Variants in TRPV2 observed in about 807,000 individuals in gnomAD.
The protein encoded by TRPV2 is OTRPC2.
TRPV2 carries 58 observed loss-of-function variants against 91.0 expected under a neutral mutation model. The observed-to-expected ratio is 0.64, with a 90% CI of 0.52 to 0.79. The LOEUF (loss-of-function observed/expected upper bound fraction) is 0.79, where lower values mean the gene tolerates loss of function less well. Ranked by LOEUF, TRPV2 falls within the 30% of genes least tolerant of loss-of-function variation. The pLI, the probability that TRPV2 is intolerant of heterozygous loss-of-function variation, is 0.00. For synonymous variants in TRPV2, 417 were observed against 414.8 expected (o/e 1.01, Z -0.06); for missense variants, 807 against 969.6 (o/e 0.83, Z 2.23).
chr17:16,418,445 T>C (rs895800544), intron 2 of TRPV2, among the ~76,000 whole-genome samples: 8 of 152,094 alleles, frequency 5.3e-5, no homozygotes, highest in African/African-American at 1.7e-4. Context: ...TGGCACCCCC[T>C]ACTTCCCTGC....
intron 12 of TRPV2, chr17:16,433,119 T>C (rs1194932819): frequency 6.4e-6 from 1 of 157,036 alleles, no homozygotes; most frequent in Non-Finnish European, 1.4e-5. Context: ...TGCCAATTCA[T>C]TGTTGATCTT....
At chr17:16,420,333 A>T in intron 3 of TRPV2, 85 bp downstream of exon 3, 1 of 1,499,042 alleles carries the variant, frequency 6.7e-7, no homozygotes. Flanking sequence ...CCTGGTCAGG[A>T]GCTGAGGAGT....
chr17:16,415,718 C>G lies in TRPV2; in HGVS notation c.-223C>G, dbSNP rs574083087. 6.6e-6 allele frequency: 1 copy of G among 152,180 alleles called. No homozygotes were observed. Among genetic ancestry groups the G allele is most frequent in the Non-Finnish European group, 1.5e-5 (1 of 68,042 alleles). 9.4% of individuals were successfully genotyped at this position (152,180 alleles called of 1,614,324 possible). ...TCAGAGCTGGGGAGGGAGGTTCCGCCGCTCCTCTGCTGTCAGCGCCGGCAG... is the reference window on the plus strand; with the variant it reads ...TCAGAGCTGGGGAGGGAGGTTCCGCGGCTCCTCTGCTGTCAGCGCCGGCAG... On this transcript the variant is annotated 5_prime_UTR_variant, in exon 1 of 15. Transcript: ENST00000338560. The surrounding 1 kb of genome is among the most constrained non-coding windows in gnomAD (Gnocchi z 4.5).
chr17:16,435,506 C>G lies in TRPV2; in HGVS notation c.2194+537C>G, dbSNP rs1255055338. Among the ~76,000 whole-genome samples the G allele has an allele frequency of 6.6e-6, 1 of 152,156 alleles. No homozygotes were observed. The highest frequency in any genetic ancestry group is 1.9e-4 in the East Asian group (1 of 5,188). On this transcript the variant is annotated intron_variant, in intron 14 of 14. Transcript: ENST00000338560. The surrounding 1 kb of genome is among the most constrained non-coding windows in gnomAD (Gnocchi z 4.2). The stretch of plus-strand genomic sequence containing the variant: ...TCCATGTCCGTGGCCTGTGTCCTCT[C>G]CGTTCCAGTGTAGTGATGGCCCCTC...
rs77272400 is a variant in TRPV2, at chr17:16,415,658, C to T, written c.-283C>T. ...GCTGGCCAGGTGGGCTGAGGGTGAC[C>T]GAGAGACCAGAACCTGCTTGCTGGA... On this transcript the variant is annotated 5_prime_UTR_variant, in exon 1 of 15. Coordinates refer to ENST00000338560, the MANE Select transcript of TRPV2 (RefSeq NM_016113.5). The surrounding 1 kb of genome is among the most constrained non-coding windows in gnomAD (Gnocchi z 4.5). 11,370 of 152,312 alleles carry T rather than the reference C, an allele frequency of 0.075. 535 individuals are homozygous for T. Among genetic ancestry groups the T allele is most frequent in the Non-Finnish European group, 0.11 (7,367 of 68,062 alleles). The allele number at this position is 152,312 out of a possible 1,614,324, so 9.4% of individuals were successfully genotyped here.
At chr17:16,419,397 C>T (rs1335200188) in intron 2 of TRPV2, 2 of 470,912 alleles carry the variant, frequency 4.2e-6, no homozygotes, top group East Asian at 7.0e-5. Flanking sequence ...TTGGGCCCAG[C>T]GTTGGGCCCA....
rs953636405 is a variant in TRPV2 at position 16,422,520 on chromosome 17, G to C, written c.335-79G>C. 7 of 1,457,330 alleles carry C rather than the reference G, an allele frequency of 4.8e-6. No homozygotes were observed. In the African/African-American group the frequency reaches 7.0e-5, roughly 15 times the overall value. 90.3% of individuals were successfully genotyped at this position (1,457,330 alleles called of 1,614,324 possible). ...CCTCCCAAGGGGTACTTTGAGCTGG[G>C]CTTATAAGAGCTATCGGGCAGCCCA... On this transcript the variant is annotated intron_variant, in intron 3 of 14. Transcript: ENST00000338560.
chr17:16,428,177 T>G, intron 8 of TRPV2, 140 bp from the exon 9 acceptor site: 1 of 736,732 alleles, frequency 1.4e-6, no homozygotes, highest in Admixed American at 2.2e-5. Context: ...ATCTCAGCTA[T>G]CAGAAGTATT....
intron 5 of TRPV2, among the ~76,000 whole-genome samples, chr17:16,425,182 G>T (rs902958208): frequency 6.6e-6 from 1 of 151,808 alleles, no homozygotes; most frequent in Non-Finnish European, 1.5e-5. Flanking sequence ...GTGCCACCAC[G>T]CCCGGCTAAT....
chr17:16,422,041 A>G (rs2093359999), intron 3 of TRPV2, among the ~76,000 whole-genome samples: 1 of 151,692 alleles, frequency 6.6e-6, no homozygotes. Flanking sequence ...GCAGTGGCTC[A>G]CGCCTGTAAT....
intron 9 of TRPV2, chr17:16,428,595 T>C: frequency 1.4e-6 from 1 of 708,154 alleles, no homozygotes; most frequent in Non-Finnish European, 2.4e-6. Context: ...ATAGTGACAT[T>C]TACTAGGCCT....
At chr17:16,428,228 C>T in intron 8 of TRPV2, 89 bp from the exon 9 acceptor site, 1 of 1,234,174 alleles carries the variant, frequency 8.1e-7, no homozygotes, top group Non-Finnish European at 1.2e-6. Flanking sequence ...TTAGCTCTAG[C>T]CTGGGTGGCA....
intron 3 of TRPV2, among the ~76,000 whole-genome samples, chr17:16,422,377 C>T (rs1043831116): frequency 6.6e-6 from 1 of 151,624 alleles, no homozygotes; most frequent in East Asian, 1.9e-4. Context: ...AAAGAAATTT[C>T]GTTTCTAGGG....
intron 12 of TRPV2, 161 bp from the exon 13 acceptor site, chr17:16,433,413 G>C: frequency 6.7e-6 from 7 of 1,038,214 alleles, no homozygotes; most frequent in Non-Finnish European, 9.7e-6. Context: ...ACCCCACACA[G>C]GTAACCGGAT....
intron 9 of TRPV2, 130 bp downstream of exon 9, chr17:16,428,517 G>T: frequency 2.0e-6 from 2 of 1,007,292 alleles, no homozygotes; most frequent in Non-Finnish European, 3.1e-6. Context: ...CTGTGTACAG[G>T]CCAGTCCCAG....
At position 16,420,339 on chromosome 17, in the gene TRPV2, G is replaced by A. The variant is rs1301417516; in HGVS notation, c.334+91G>A. 9 of 1,470,808 alleles carry A rather than the reference G, an allele frequency of 6.1e-6. No individual in the cohort carries two copies. The East Asian group carries it at 1.4e-4, about 23-fold the overall frequency. The allele number at this position is 1,470,808 out of a possible 1,614,324, so 91.1% of individuals were successfully genotyped here. A position where few individuals can be genotyped will look rare whatever the true frequency, so the allele number is the denominator to read the frequency against. On this transcript the variant is annotated intron_variant, in intron 3 of 14. Transcript: ENST00000338560. Reference sequence around the variant, plus strand: ...GGCTTGATCCCTGGTCAGGAGCTGAGGAGTGAGTGTTCTCAGCAGCCCTCC... The same window carrying A: ...GGCTTGATCCCTGGTCAGGAGCTGAAGAGTGAGTGTTCTCAGCAGCCCTCC...
rs151220252 is a variant in TRPV2, at chr17:16,417,850, G to A, written c.182G>A (p.Arg61Gln). 305 of 1,614,030 alleles carry A rather than the reference G, an allele frequency of 1.9e-4. 1 individual carries two copies. The Admixed American group carries it at 4.4e-3, about 24-fold the overall frequency. Reference sequence around the variant, plus strand: ...CAGATAAGAGTCAACCTCAACTACCGAAAGGGAACAGGTGCCAGGTGAGAC... The same window carrying A: ...CAGATAAGAGTCAACCTCAACTACCAAAAGGGAACAGGTGCCAGGTGAGAC... ...APQIRVNLNY[R>Q]KGTGASQPDP... is the part of the protein sequence containing the mutation. The change falls in exon 2 of 15, where the codon CGA becomes CAA. Residue 61 changes from arginine (R) to glutamine (Q), a missense_variant. Coordinates refer to ENST00000338560, the MANE Select transcript of TRPV2 (RefSeq NM_016113.5).
rs1042268457 is a variant in TRPV2, at chr17:16,435,205, G to C, written c.2194+236G>C. ...CCAGGGGAAACCTCTGAGGCTGTTAGCGCTTCCACCAGCCCAGCCTCTGGC... is the reference window on the plus strand; with the variant it reads ...CCAGGGGAAACCTCTGAGGCTGTTACCGCTTCCACCAGCCCAGCCTCTGGC... On this transcript the variant is annotated intron_variant, in intron 14 of 14. Transcript: ENST00000338560. This position sits in a 1 kb window ranked among gnomAD's most constrained non-coding sequence, Gnocchi z 4.2. Among the ~76,000 whole-genome samples the C allele has an allele frequency of 2.0e-5, 3 of 152,156 alleles. No individual in the cohort carries two copies. The highest frequency in any genetic ancestry group is 4.4e-5 in the Non-Finnish European group (3 of 68,030).
At position 16,433,632 on chromosome 17, in the gene TRPV2, G is replaced by A. The variant is rs141744307; in HGVS notation, c.2048G>A (p.Arg683Gln). The A allele has an allele frequency of 1.5e-5, 24 of 1,614,184 alleles. No individual in the cohort carries two copies. The highest frequency in any genetic ancestry group is 8.3e-5 in the Admixed American group (5 of 60,030). The change falls in exon 13 of 15, where the codon CGG becomes CAG. Residue 683 changes from arginine to glutamine, a missense_variant. Physicochemically the swap from Arg to Gln is conservative, Grantham distance 43. Coordinates refer to ENST00000338560, the MANE Select transcript of TRPV2 (RefSeq NM_016113.5). ...TATTGGTGGTGCAGGAAGAAGCAGC[G>A]GGCAGGTGTGATGCTGACCGTTGGC... is the stretch of plus-strand genomic sequence containing the variant. ...NGYWWCRKKQ[R>Q]AGVMLTVGTK...
Sources: allele counts gnomAD v4.1 joint callset (sites outside exome capture counted in the v4.1 genomes callset), GRCh38; gene constraint gnomAD v4.1.1; non-coding constraint Gnocchi (gnomAD v3.1); transcripts MANE v1.5; gene names NCBI Gene and HGNC (gene_info 2026-07-23, HGNC 2026-07-21).